HPS5: variants seen among roughly 807,000 people sequenced by gnomAD.
HPS5 encodes the protein HPS5 biogenesis of lysosomal organelles complex 2 subunit 2.
HPS5 carries 83 observed loss-of-function variants against 128.0 expected under a neutral mutation model. The observed-to-expected ratio is 0.65, with a 90% CI of 0.54 to 0.78. The LOEUF (loss-of-function observed/expected upper bound fraction) is 0.78. HPS5 is among the 30% of genes least tolerant of loss of function. The pLI is 0.00. For synonymous variants in HPS5, 475 were observed against 470.2 expected, an observed-to-expected ratio of 1.01 and a Z score of -0.13; for missense variants, 1,281 against 1,326.2, an observed-to-expected ratio of 0.97 and a Z score of 0.53.
At chr11:18,301,404 G>A (rs374743988) in intron 8 of HPS5, among the ~76,000 whole-genome samples, 2 of 138,108 alleles carry the variant, frequency 1.4e-5, no homozygotes, top group African/African-American at 5.5e-5. Context: ...AGTGAGCCAA[G>A]ATTGTGCCAC....
intron 18 of HPS5, 72 bp downstream of exon 18, chr11:18,287,461 GAC>G: frequency 2.6e-6 from 4 of 1,518,830 alleles, no homozygotes; most frequent in Non-Finnish European, 2.7e-6. Flanking sequence ...TACACAATGT[GAC>G]ACCTGCTTAT....
intron 20 of HPS5, 64 bp from the exon 21 acceptor site, chr11:18,283,965 C>A (rs1590048215): frequency 9.5e-7 from 1 of 1,056,646 alleles, no homozygotes; most frequent in East Asian, 2.4e-5. Context: ...AGCTGTGCTG[C>A]CCAAAACAGT....
At chr11:18,317,275 T>A (rs1399414627) in intron 2 of HPS5, among the ~76,000 whole-genome samples, 2 of 137,012 alleles carry the variant, frequency 1.5e-5, no homozygotes, top group South Asian at 2.4e-4. Flanking sequence ...TTTTTTTTTT[T>A]GAGAGAGTCT....
intron 7 of HPS5, 118 bp downstream of exon 7, chr11:18,306,017 C>T: frequency 2.5e-6 from 2 of 812,878 alleles, no homozygotes; most frequent in Non-Finnish European, 2.1e-6. Flanking sequence ...CAGGCGTGTG[C>T]CAACACGCCC....
chr11:18,317,611 C>CT (rs939725748), intron 2 of HPS5, 140 bp downstream of exon 2: 59 of 829,838 alleles, frequency 7.1e-5, no homozygotes, highest in Non-Finnish European at 1.0e-4. Flanking sequence ...TTATTTTCTT[C>CT]TTTTTTTTCC....
Position 18,311,414 on chromosome 11 carries a change from T to A in HPS5, c.257A>T (p.Asp86Val). ...AISQVACCLH[D>V]DDYVAVATSQ... ...GGTAGCTACAGCAACATAATCATCA[T>A]CATGTAAACAACAGGCGACTTGAGA... Residue 86 changes from aspartate to valine, a missense_variant, in exon 4 of 23, where the codon GAT (aspartate) becomes GTT (valine). Physicochemically the swap from Asp to Val is radical, Grantham distance 152. Transcript: ENST00000349215. 1 of 1,609,734 alleles carries A rather than the reference T, an allele frequency of 6.2e-7. No individual in the cohort carries two copies. The highest frequency in any genetic ancestry group is 1.3e-5 in the African/African-American group (1 of 74,928).
At chr11:18,280,078 GT>G in intron 22 of HPS5, 136 bp from the exon 23 acceptor site, 1 of 820,240 alleles carries the variant, frequency 1.2e-6, no homozygotes, top group Non-Finnish European at 2.0e-6. Context: ...AATGCACAGA[GT>G]GAAAAGGCAA....
chr11:18,310,817 G>C lies in HPS5; in HGVS notation c.401C>G (p.Ala134Gly). Residue 134 changes from alanine to glycine, a missense_variant, in exon 5 of 23, where the codon GCT becomes GGT. Transcript: ENST00000349215. ...RRVTALCWDT[A>G]ILRVFVGDHA... is the part of the protein sequence containing the mutation. ...ATCACCTACAAAAACTCTAAGAATA[G>C]CTGTATCCCAGCAGAGAGCTGTGAC... 6.2e-7 allele frequency: 1 copy of C among 1,613,984 alleles called. No individual in the cohort carries two copies. Among genetic ancestry groups the C allele is most frequent in the Non-Finnish European group, 8.5e-7 (1 of 1,179,880 alleles).
chr11:18,292,013 C>G lies in HPS5; in HGVS notation c.1869G>C (p.Lys623Asn). 6.2e-7 allele frequency: 1 copy of G among 1,613,322 alleles called. No individual in the cohort carries two copies. The highest frequency in any genetic ancestry group is 8.5e-7 in the Non-Finnish European group (1 of 1,179,414). ...LKVATAEAMTKLQDPLVLFES... is the reference protein window; with the variant it reads ...LKVATAEAMTNLQDPLVLFES... ...CAAATAAAACCAGAGGGTCCTGTAG[C>G]TTGGTCCTATACAAGACAGACAAGT... Residue 623 changes from lysine to asparagine, a missense_variant, in exon 16 of 23, where the codon AAG (lysine) becomes AAC (asparagine). Physicochemically the swap from Lys to Asn is moderately conservative, Grantham distance 94 (BLOSUM62 0). Transcript: ENST00000349215.
intron 10 of HPS5, among the ~76,000 whole-genome samples, chr11:18,298,167 G>A (rs1363280803): frequency 6.6e-6 from 1 of 151,986 alleles, no homozygotes; most frequent in African/African-American, 2.4e-5. Flanking sequence ...TTAGCAAGCT[G>A]GAGAAAGATT....
chr11:18,291,450 C>T lies in HPS5; in HGVS notation c.2432G>A (p.Gly811Glu). Residue 811 changes from glycine to glutamate, a missense_variant, in exon 16 of 23, where the codon GGA becomes GAA. Transcript: ENST00000349215. Reference protein sequence around the residue: ...SPSVWDTFIEGLKEMASSNPV... With the variant: ...SPSVWDTFIEELKEMASSNPV... ...GGCAATCTGAGTATTACCTTTCAAT[C>T]CTTCAATAAAAGTATCCCAAACAGA... 1.3e-6 allele frequency: 2 copies of T among 1,592,024 alleles called. No homozygotes were observed. The highest frequency in any genetic ancestry group is 1.1e-5 in the South Asian group (1 of 90,492).
At chr11:18,312,995 T>C (rs927466754) in intron 2 of HPS5, among the ~76,000 whole-genome samples, 6 of 152,216 alleles carry the variant, frequency 3.9e-5, no homozygotes, top group African/African-American at 1.4e-4. Context: ...AGCCTCAAAA[T>C]TGTTACTCAT....
intron 17 of HPS5, 31 bp downstream of exon 17, chr11:18,287,862 G>A (rs1859932749): frequency 6.2e-7 from 1 of 1,613,668 alleles, no homozygotes; most frequent in Admixed American, 1.7e-5. Context: ...ATGTGCTTTA[G>A]CTCATATAAA....
At position 18,291,657 on chromosome 11, in the gene HPS5, G is replaced by A. The variant is rs184087567; in HGVS notation, c.2225C>T (p.Thr742Ile). 8 of 1,614,214 alleles carry A rather than the reference G, an allele frequency of 5.0e-6. No homozygotes were observed. In the Admixed American group the frequency reaches 1.0e-4, roughly 20 times the overall value. ...CAATACATTCAACTCCAAACATAAT[G>A]TTGTCAATTCAGCCAGGTCGTTCCG... ...GLRNDLAELT[T>I]LCLELNVLNS... Residue 742 changes from threonine to isoleucine, a missense_variant, in exon 16 of 23, where the codon ACA becomes ATA. Physicochemically the swap from Thr to Ile is moderately conservative, Grantham distance 89 (BLOSUM62 -1). Transcript: ENST00000349215.
chr11:18,320,994 A>T (rs1033491398), intron 1 of HPS5, among the ~76,000 whole-genome samples: 6 of 152,266 alleles, frequency 3.9e-5, no homozygotes, highest in African/African-American at 9.6e-5. Context: ...CTATTAATCA[A>T]ATGCAACAAT....
intron 5 of HPS5, among the ~76,000 whole-genome samples, chr11:18,309,904 G>A (rs930825659): frequency 6.6e-6 from 1 of 152,170 alleles, no homozygotes; most frequent in Non-Finnish European, 1.5e-5. Flanking sequence ...CAGGAGGTTT[G>A]AGGTGAGAGG....
rs1164350491 is a variant in HPS5, at chr11:18,280,040, TTGAC to T, written c.3330-102_3330-99del. On this transcript the variant is annotated intron_variant, in intron 22 of 22. Transcript: ENST00000349215. ...ACAGAGTTTCAGAGGATTCAAAAAG[TTGAC>T]TGATTCTGTGCATTAAAAGACACAA... 5 of 1,243,224 alleles carry T rather than the reference TTGAC, an allele frequency of 4.0e-6. No individual in the cohort carries two copies. The East Asian group carries it at 1.2e-4, about 30-fold the overall frequency. The allele number at this position is 1,243,224 out of a possible 1,614,324, so 77.0% of individuals were successfully genotyped here.
chr11:18,278,736 T>G lies in HPS5; in HGVS notation c.*1146A>C, dbSNP rs1220869985. ...TTCTGCAAAATGCTCATAATAAACC[T>G]CCTGTCTACATTGTGTTCCAATGAA... On this transcript the variant is annotated 3_prime_UTR_variant, in exon 23 of 23. Transcript: ENST00000349215. 1 of 152,282 alleles carries G rather than the reference T, an allele frequency of 6.6e-6. No individual in the cohort carries two copies. The highest frequency in any genetic ancestry group is 2.4e-5 in the African/African-American group (1 of 41,464). The allele number at this position is 152,282 out of a possible 1,614,324, so 9.4% of individuals were successfully genotyped here. A position where few individuals can be genotyped will look rare whatever the true frequency, so the allele number is the denominator to read the frequency against.
rs777469108 is a variant in HPS5, at chr11:18,317,786, G to A, written c.73C>T (p.Leu25Phe). 15 of 1,613,908 alleles carry A rather than the reference G, an allele frequency of 9.3e-6. No individual in the cohort carries two copies. The highest frequency in any genetic ancestry group is 1.2e-5 in the Non-Finnish European group (14 of 1,179,908). ...LAEFESLDPL[L>F]SALRLDSSRL... ...CTGGAGTCCAGCCGCAGGGCTGAGA[G>A]TAATGGATCCAGAGATTCAAACTCT... The change falls in exon 2 of 23, where the codon CTC becomes TTC. Residue 25 changes from leucine (L) to phenylalanine (F), a missense_variant. Transcript: ENST00000349215.
Sources: gnomAD v4.1 joint callset for allele counts (sites outside exome capture counted in the v4.1 genomes callset) on GRCh38, gnomAD v4.1.1 for gene constraint, MANE v1.5 for transcripts, NCBI Gene and HGNC (gene_info 2026-07-23, HGNC 2026-07-21) for gene names.